CLIC5: variants seen among roughly 807,000 people sequenced by gnomAD.
CLIC5 encodes the protein CLIC family member 5.
In CLIC5, 20 loss-of-function variants were observed where a neutral mutation model predicts 24.7. The observed-to-expected ratio is 0.81, with a 90% CI of 0.57 to 1.18. The LOEUF (loss-of-function observed/expected upper bound fraction) is 1.18. CLIC5 is among the 50% of genes most tolerant of loss of function. CLIC5 has a pLI of 0.00. For missense variants in CLIC5, 341 were observed against 326.1 expected (o/e 1.05, Z -0.35); for synonymous variants, 159 against 135.6 (o/e 1.17, Z -1.20).
intron 1 of CLIC5, among the ~76,000 whole-genome samples, chr6:46,021,408 C>A (rs1277652619): frequency 6.6e-6 from 1 of 152,078 alleles, no homozygotes; most frequent in Non-Finnish European, 1.5e-5. Flanking sequence ...ACTATATGGC[C>A]CACTTACCAT....
At chr6:46,075,144 A>G (rs775632033) in intron 1 of CLIC5, among the ~76,000 whole-genome samples, 2 of 152,244 alleles carry the variant, frequency 1.3e-5, no homozygotes, top group Admixed American at 6.5e-5. Context: ...AATCTTTATA[A>G]TAACCCTATG....
At chr6:45,963,316 T>G (rs1318561251) in intron 1 of CLIC5, among the ~76,000 whole-genome samples, 1 of 152,166 alleles carries the variant, frequency 6.6e-6, no homozygotes, top group Non-Finnish European at 1.5e-5. Context: ...GGAGCCAGCT[T>G]AACAGGCAGG....
intron 1 of CLIC5, among the ~76,000 whole-genome samples, chr6:46,030,697 C>G (rs985858115): frequency 6.6e-6 from 1 of 152,166 alleles, no homozygotes; most frequent in African/African-American, 2.4e-5. Context: ...ACATGCACAC[C>G]TTGCTGTTCC....
intron 2 of CLIC5, among the ~76,000 whole-genome samples, chr6:45,951,545 C>T (rs896200297): frequency 6.6e-6 from 1 of 152,040 alleles, no homozygotes; most frequent in African/African-American, 2.4e-5. Flanking sequence ...TCTGCGCCAG[C>T]TGGTCAGAAT....
chr6:46,015,826 T>G lies in CLIC5; in HGVS notation c.-284A>C. ...GTCGTGGGAGCAACAAGTGCCGGGCTGCCCGGAGGTGTCACAGGATCCGCG... is the reference window on the plus strand; with the variant it reads ...GTCGTGGGAGCAACAAGTGCCGGGCGGCCCGGAGGTGTCACAGGATCCGCG... On this transcript the variant is annotated 5_prime_UTR_variant, in exon 1 of 6. Transcript: ENST00000339561. 1 of 1,149,628 alleles carries G rather than the reference T, an allele frequency of 8.7e-7. No homozygotes were observed. Among genetic ancestry groups the G allele is most frequent in the South Asian group, 4.3e-5 (1 of 23,130 alleles). 71.2% of individuals were successfully genotyped at this position (1,149,628 alleles called of 1,614,324 possible). A position where few individuals can be genotyped will look rare whatever the true frequency, so the allele number is the denominator to read the frequency against.
At position 46,015,502 on chromosome 6, in the gene CLIC5, G is replaced by A. The variant is rs752732433; in HGVS notation, c.41C>T (p.Pro14Leu). 3.2e-6 allele frequency: 5 copies of A among 1,568,218 alleles called. No homozygotes were observed. In the African/African-American group the frequency reaches 6.9e-5, roughly 22 times the overall value. ...SATANGDDRD[P>L]EIELFVKAGI... Reference sequence around the variant, plus strand: ...TACCTTCACAAAGAGCTCGATCTCGGGGTCCCTGTCGTCCCCGTTAGCTGT... The same window carrying A: ...TACCTTCACAAAGAGCTCGATCTCGAGGTCCCTGTCGTCCCCGTTAGCTGT... Residue 14 changes from proline (P) to leucine (L), a missense_variant, in exon 1 of 6, where the codon CCC becomes CTC. Pro to Leu is a moderately conservative substitution (Grantham distance 98, BLOSUM62 -3). Coordinates refer to ENST00000339561, the MANE Select transcript of CLIC5 (RefSeq NM_016929.5).
At chr6:46,089,631 C>T in the CLIC5 span, among the ~76,000 whole-genome samples, 1 of 152,046 alleles carries the variant, frequency 6.6e-6, no homozygotes, top group Admixed American at 6.6e-5. Flanking sequence ...AAATGACATA[C>T]AATATGTAAA....
chr6:46,067,177 T>C (rs1762466291), intron 1 of CLIC5, among the ~76,000 whole-genome samples: 1 of 152,100 alleles, frequency 6.6e-6, no homozygotes, highest in South Asian at 2.1e-4. Context: ...CAGGGATAAC[T>C]GTTTAGTTCA....
At chr6:45,988,944 G>A (rs754492267) in intron 1 of CLIC5, among the ~76,000 whole-genome samples, 5 of 152,148 alleles carry the variant, frequency 3.3e-5, no homozygotes, top group Non-Finnish European at 5.9e-5. Flanking sequence ...CTCAGTCTAT[G>A]AGGCTTGGGT....
intron 1 of CLIC5, among the ~76,000 whole-genome samples, chr6:46,057,099 A>G (rs1446938947): frequency 4.6e-5 from 7 of 152,212 alleles, no homozygotes; most frequent in Admixed American, 3.3e-4. Flanking sequence ...ATCTCTCCCC[A>G]GTGGTATGAT....
At chr6:46,094,090 A>T in the CLIC5 span, among the ~76,000 whole-genome samples, 1 of 152,158 alleles carries the variant, frequency 6.6e-6, no homozygotes, top group East Asian at 1.9e-4. Flanking sequence ...TTTTTAAATG[A>T]CCAGACCTTA....
chr6:46,092,813 G>A, the CLIC5 span, among the ~76,000 whole-genome samples: 1 of 152,040 alleles, frequency 6.6e-6, no homozygotes, highest in African/African-American at 2.4e-5. Context: ...ATAGCACATT[G>A]TTTCTGCCCT....
At chr6:46,065,235 T>C (rs1762408854) in intron 1 of CLIC5, among the ~76,000 whole-genome samples, 1 of 152,046 alleles carries the variant, frequency 6.6e-6, no homozygotes, top group Non-Finnish European at 1.5e-5. Flanking sequence ...TGCCGTGATA[T>C]ATTTATCAGT....
At chr6:46,098,575 C>T in the CLIC5 span, among the ~76,000 whole-genome samples, 1 of 152,120 alleles carries the variant, frequency 6.6e-6, no homozygotes, top group Non-Finnish European at 1.5e-5. Context: ...AAAGAAAAAA[C>T]AATCAGTATT....
At chr6:46,112,135 G>A in the CLIC5 span, among the ~76,000 whole-genome samples, 12 of 152,002 alleles carry the variant, frequency 7.9e-5, no homozygotes, top group African/African-American at 2.9e-4. Flanking sequence ...GACATATTTT[G>A]AGATGGTTGG....
intron 4 of CLIC5, among the ~76,000 whole-genome samples, chr6:45,922,484 C>T (rs189421344): frequency 9.9e-5 from 15 of 152,188 alleles, no homozygotes; most frequent in Non-Finnish European, 1.3e-4. Context: ...TTATATTTGG[C>T]GTATGTTCAG....
intron 1 of CLIC5, among the ~76,000 whole-genome samples, chr6:45,981,834 C>CAA (rs1488772734): frequency 5.3e-5 from 8 of 151,888 alleles, no homozygotes; most frequent in Non-Finnish European, 1.0e-4. Context: ...CCCATCTCTA[C>CAA]AAAAATACAA....
rs1346577054 is a variant in CLIC5, at chr6:46,047,897, A to G, written c.540+31806T>C. 2.0e-5 allele frequency among the ~76,000 whole-genome samples: 3 copies of G among 152,102 alleles called. No homozygotes were observed. In the East Asian group the frequency reaches 5.8e-4, roughly 29 times the overall value. On this transcript the variant is annotated intron_variant, in intron 1 of 5. Coordinates refer to the CLIC5 transcript ENST00000185206. ...TATCCACATAATAAAATATTAATTT[A>G]CCTTTTGGGATTTTTTGATATCTGT...
chr6:45,952,469 C>T (rs1581784345), intron 2 of CLIC5, among the ~76,000 whole-genome samples: 1 of 152,116 alleles, frequency 6.6e-6, no homozygotes, highest in South Asian at 2.1e-4. Context: ...TTTTACATGG[C>T]CTGCCTCGAT....
Sources: gnomAD v4.1 joint callset for allele counts (sites outside exome capture counted in the v4.1 genomes callset) on GRCh38, gnomAD v4.1.1 for gene constraint, MANE v1.5 for transcripts, NCBI Gene and HGNC (gene_info 2026-07-23, HGNC 2026-07-21) for gene names.